The following ULK1 variants were observed in gnomAD, a reference collection of about 807,000 sequenced individuals.
The protein encoded by ULK1 is unc-51 like autophagy activating kinase 1.
In ULK1, 48 loss-of-function variants were observed where a neutral mutation model predicts 117.5. That is an observed-to-expected ratio of 0.41 (90% CI 0.32 to 0.52). The LOEUF is 0.52. Ranked by LOEUF, ULK1 falls within the 20% of genes least tolerant of loss-of-function variation. ULK1 has a pLI of 0.29. For missense variants in ULK1, 1,387 were observed against 1,473.4 expected, an observed-to-expected ratio of 0.94 and a Z score of 0.96; for synonymous variants, 790 against 637.8, an observed-to-expected ratio of 1.24 and a Z score of -3.60.
Position 131,915,076 on chromosome 12 carries a change from T to C in ULK1, c.1374-7T>C. 1 of 1,534,444 alleles carries C rather than the reference T, an allele frequency of 6.5e-7. No individual in the cohort carries two copies. The highest frequency in any genetic ancestry group is 1.3e-5 in the South Asian group (1 of 78,312). ...GCCTCCCCTCCTAATATCTGCCTTG[T>C]CTTCAGGTCCTCTGCCATCCGCAGG... On this transcript the variant is annotated splice_polypyrimidine_tract_variant and splice_region_variant and intron_variant, in intron 16 of 27. Transcript: ENST00000321867.
chr12:131,899,572 C>A (rs540073590), intron 3 of ULK1, among the ~76,000 whole-genome samples: 1 of 152,266 alleles, frequency 6.6e-6, no homozygotes, highest in African/African-American at 2.4e-5. Context: ...CTCACTGCAG[C>A]CTCGAACACC....
At chr12:131,901,220 G>A (rs950533692) in intron 3 of ULK1, among the ~76,000 whole-genome samples, 7 of 151,910 alleles carry the variant, frequency 4.6e-5, no homozygotes, top group African/African-American at 7.3e-5. Context: ...TTAGCTGGGC[G>A]TGGTGGTGGG....
At chr12:131,899,052 T>C (rs1446595831) in intron 3 of ULK1, among the ~76,000 whole-genome samples, 1 of 144,072 alleles carries the variant, frequency 6.9e-6, no homozygotes, top group East Asian at 2.1e-4. Flanking sequence ...CTAATTTTTG[T>C]ATTAAAAAAT....
rs1356850404 is a variant in ULK1 at position 131,921,946 on chromosome 12, G to A, written c.*585G>A. 1.1e-5 allele frequency: 5 copies of A among 456,198 alleles called. No individual in the cohort carries two copies. Among genetic ancestry groups the A allele is most frequent in the East Asian group, 6.9e-5 (1 of 14,402 alleles). The allele number at this position is 456,198 out of a possible 1,614,324, so 28.3% of individuals were successfully genotyped here. A position where few individuals can be genotyped will look rare whatever the true frequency, so the allele number is the denominator to read the frequency against. ...TACACATATGCAGACACATGCCAGGGCCCCCCAAGCCCGAGCACCGGACCA... is the reference window on the plus strand; with the variant it reads ...TACACATATGCAGACACATGCCAGGACCCCCCAAGCCCGAGCACCGGACCA... On this transcript the variant is annotated 3_prime_UTR_variant, in exon 28 of 28. Coordinates refer to ENST00000321867, the MANE Select transcript of ULK1 (RefSeq NM_003565.4).
chr12:131,910,019 G>C lies in ULK1; in HGVS notation c.808+18G>C. 6.2e-7 allele frequency: 1 copy of C among 1,610,368 alleles called. No individual in the cohort carries two copies. Among genetic ancestry groups the C allele is most frequent in the African/African-American group, 1.3e-5 (1 of 75,050 alleles). On this transcript the variant is annotated intron_variant, in intron 10 of 27. Coordinates refer to ENST00000321867, the MANE Select transcript of ULK1 (RefSeq NM_003565.4). ...GGACTTCGGTGAGCACCCACCAGGG[G>C]CGCAGCTGGAGTCCCCCACCCTCCT...
intron 13 of ULK1, among the ~76,000 whole-genome samples, chr12:131,912,778 C>G (rs530920007): frequency 1.3e-5 from 2 of 152,200 alleles, no homozygotes; most frequent in Non-Finnish European, 2.9e-5. Flanking sequence ...AACAGGAAGA[C>G]GGACACCAGG....
intron 17 of ULK1, 21 bp downstream of exon 17, chr12:131,915,252 C>T (rs1485065671): frequency 6.2e-7 from 1 of 1,605,550 alleles, no homozygotes; most frequent in East Asian, 2.2e-5. Flanking sequence ...AGGCTGGGGC[C>T]TGGGAAGGGG....
intron 3 of ULK1, among the ~76,000 whole-genome samples, chr12:131,901,647 G>A (rs1200013411): frequency 1.3e-5 from 2 of 152,182 alleles, no homozygotes; most frequent in African/African-American, 4.8e-5. Flanking sequence ...TAGGTTGAGG[G>A]GTGCTGTGTC....
At chr12:131,918,968 CAG>C (rs1890018832) in intron 23 of ULK1, among the ~76,000 whole-genome samples, 1 of 14,630 alleles carries the variant, frequency 6.8e-5, no homozygotes, top group Non-Finnish European at 1.6e-4. Context: ...GTGTGGGGTG[CAG>C]GGTGTGTGGG....
rs2136373483 is a variant in ULK1 at position 131,895,705 on chromosome 12, C to T, written c.204+12C>T. On this transcript the variant is annotated intron_variant, in intron 2 of 27. Coordinates refer to ENST00000321867, the MANE Select transcript of ULK1 (RefSeq NM_003565.4). ...TCAAAATCCTGAAGGTGAGCCAGTGCTGGGGGAGGGGGCGTGGGCGTGGGC... is the reference window on the plus strand; with the variant it reads ...TCAAAATCCTGAAGGTGAGCCAGTGTTGGGGGAGGGGGCGTGGGCGTGGGC... 1.2e-6 allele frequency: 2 copies of T among 1,614,078 alleles called. No homozygotes were observed. The highest frequency in any genetic ancestry group is 1.7e-6 in the Non-Finnish European group (2 of 1,179,936).
At chr12:131,918,278 G>A (rs1400474561) in intron 22 of ULK1, 2 of 610,552 alleles carry the variant, frequency 3.3e-6, no homozygotes, top group African/African-American at 3.7e-5. Context: ...TTGGCCTGAG[G>A]TGGGGAGCTG....
At position 131,895,618 on chromosome 12, in the gene ULK1, C is replaced by T. The variant is rs574411638; in HGVS notation, c.129C>T (p.Val43=). Reference sequence around the variant, plus strand: ...GCTTTCAGAAGCACGATTTGGAGGTCGCCGTCAAGTGCATTAACAAGAAGA... The same window carrying T: ...GCTTTCAGAAGCACGATTTGGAGGTTGCCGTCAAGTGCATTAACAAGAAGA... ...GRHREKHDLE[V]AVKCINKKNL... Residue 43 remains valine, a synonymous_variant, in exon 2 of 28, where the codon GTC becomes GTT. Coordinates refer to ENST00000321867, the MANE Select transcript of ULK1 (RefSeq NM_003565.4). 1 of 1,613,748 alleles carries T rather than the reference C, an allele frequency of 6.2e-7. No homozygotes were observed. Among genetic ancestry groups the T allele is most frequent in the Non-Finnish European group, 8.5e-7 (1 of 1,179,958 alleles).
intron 26 of ULK1, 120 bp downstream of exon 26, chr12:131,920,256 A>C: frequency 1.5e-6 from 2 of 1,330,554 alleles, no homozygotes; most frequent in Non-Finnish European, 2.0e-6. Context: ...TCACTTCTGG[A>C]GGTCTTGAAA....
intron 3 of ULK1, among the ~76,000 whole-genome samples, chr12:131,904,784 G>A (rs1285604442): frequency 6.6e-6 from 1 of 152,126 alleles, no homozygotes. Flanking sequence ...GGCACCTATG[G>A]GCACTCACTG....
intron 20 of ULK1, 106 bp from the exon 21 acceptor site, chr12:131,916,847 C>A: frequency 8.9e-7 from 1 of 1,127,430 alleles, no homozygotes; most frequent in Middle Eastern, 2.8e-4. Flanking sequence ...TCGAGGTGGG[C>A]CAGGAGACCG....
chr12:131,912,701 G>A (rs1368588292), intron 13 of ULK1, among the ~76,000 whole-genome samples: 1 of 152,234 alleles, frequency 6.6e-6, no homozygotes. Flanking sequence ...CTGCGGGGGT[G>A]GTGAGGCCCG....
At position 131,916,986 on chromosome 12, in the gene ULK1, CCTT is replaced by C; in HGVS notation, c.2107_2109del (p.Leu703del). On this transcript the variant is annotated inframe_deletion, in exon 21 of 28. Coordinates refer to ENST00000321867, the MANE Select transcript of ULK1 (RefSeq NM_003565.4). The stretch of plus-strand genomic sequence containing the variant: ...GCACCAGCCGCCTCACTGACCTGCT[CCTT>C]AAGGCGGCGTTTGGGACACAAGCCC... 1 of 1,610,852 alleles carries C rather than the reference CCTT, an allele frequency of 6.2e-7. No homozygotes were observed. Among genetic ancestry groups the C allele is most frequent in the Non-Finnish European group, 8.5e-7 (1 of 1,179,410 alleles).
At position 131,895,712 on chromosome 12, in the gene ULK1, AGGGGGC is replaced by A; in HGVS notation, c.204+21_204+26del. The A allele has an allele frequency of 6.2e-7, 1 of 1,613,626 alleles. No individual in the cohort carries two copies. Among genetic ancestry groups the A allele is most frequent in the Non-Finnish European group, 8.5e-7 (1 of 1,179,648 alleles). On this transcript the variant is annotated intron_variant, in intron 2 of 27. Coordinates refer to ENST00000321867, the MANE Select transcript of ULK1 (RefSeq NM_003565.4). ...CCTGAAGGTGAGCCAGTGCTGGGGG[AGGGGGC>A]GTGGGCGTGGGCGTGGGCAAGCCCC...
In ULK1 at chr12:131,922,115, C is replaced by T. The variant is rs762407172; in HGVS notation, c.*754C>T. On this transcript the variant is annotated 3_prime_UTR_variant, in exon 28 of 28. Transcript: ENST00000321867. ...CACCGTGTTCTCTCAGCCCTGGATA[C>T]GTCTTGTAATCTTTCACACTTTATT... 22 of 421,564 alleles carry T rather than the reference C, an allele frequency of 5.2e-5. No homozygotes were observed. Among genetic ancestry groups the T allele is most frequent in the Non-Finnish European group, 1.1e-4 (22 of 209,218 alleles). 26.1% of individuals were successfully genotyped at this position (421,564 alleles called of 1,614,324 possible).
Sources: gnomAD v4.1 joint callset for allele counts (sites outside exome capture counted in the v4.1 genomes callset) on GRCh38, gnomAD v4.1.1 for gene constraint, MANE v1.5 for transcripts, NCBI Gene and HGNC (gene_info 2026-07-23, HGNC 2026-07-21) for gene names.